PDE2A: variants seen among roughly 807,000 people sequenced by gnomAD.
PDE2A encodes phosphodiesterase 2A, also known as cGMP-dependent 3',5'-cyclic phosphodiesterase.
Under a neutral mutation model 133.6 loss-of-function variants are expected in PDE2A, and 53 were observed. The ratio of observed to expected loss-of-function variants is 0.40; its 90% CI spans 0.32 to 0.50. PDE2A has a LOEUF of 0.50. Ranked by LOEUF, PDE2A falls within the 20% of genes least tolerant of loss-of-function variation. The pLI is 0.73. For synonymous variants in PDE2A, 491 were observed against 490.2 expected, an observed-to-expected ratio of 1.00 and a Z score of -0.02; for missense variants, 796 against 1,232.4, an observed-to-expected ratio of 0.65 and a Z score of 5.30.
At chr11:72,596,918 C>G (rs1188047783) in intron 5 of PDE2A, among the ~76,000 whole-genome samples, 1 of 152,136 alleles carries the variant, frequency 6.6e-6, no homozygotes, top group Non-Finnish European at 1.5e-5. Context: ...GCAGGTGAGG[C>G]TGAGCACCTC....
chr11:72,625,425 G>A (rs754242919), intron 2 of PDE2A, among the ~76,000 whole-genome samples: 12 of 152,246 alleles, frequency 7.9e-5, no homozygotes, highest in Non-Finnish European at 1.8e-4. Context: ...CCAGCCCAAT[G>A]CTCCACGTGA....
At chr11:72,644,743 ATTT>A (rs1417003475) in intron 1 of PDE2A, among the ~76,000 whole-genome samples, 3 of 150,620 alleles carry the variant, frequency 2.0e-5, no homozygotes, top group Admixed American at 1.3e-4. Context: ...ATTTTATTTT[ATTT>A]TATTTTATTT....
chr11:72,619,962 G>T (rs550517561), intron 2 of PDE2A, among the ~76,000 whole-genome samples: 4 of 152,092 alleles, frequency 2.6e-5, no homozygotes, highest in Non-Finnish European at 5.9e-5. Context: ...GCAGGGGGCT[G>T]GGGCCACCTG....
intron 11 of PDE2A, among the ~76,000 whole-genome samples, chr11:72,589,487 C>A (rs1856133450): frequency 6.6e-6 from 1 of 152,328 alleles, no homozygotes; most frequent in Middle Eastern, 3.4e-3. Flanking sequence ...CAGATTCTAG[C>A]AGATCCATAT....
At chr11:72,630,934 G>A (rs1034560796) in intron 2 of PDE2A, 1 of 651,394 alleles carries the variant, frequency 1.5e-6, no homozygotes, top group African/African-American at 1.8e-5. Context: ...TTGATATAGG[G>A]GTGGTCCTAG....
intron 13 of PDE2A, among the ~76,000 whole-genome samples, chr11:72,587,156 A>C (rs1856012559): frequency 1.3e-5 from 2 of 152,246 alleles, no homozygotes; most frequent in African/African-American, 4.8e-5. Context: ...TGCCCTGAAA[A>C]TGAGCTTCGA....
chr11:72,583,270 G>A (rs534145889), intron 20 of PDE2A, among the ~76,000 whole-genome samples, 168 bp downstream of exon 20: 2 of 152,230 alleles, frequency 1.3e-5, no homozygotes, highest in Non-Finnish European at 2.9e-5. Context: ...GCAGCTTGGA[G>A]GAGAGGTCTC....
chr11:72,667,162 C>T (rs955234754), intron 1 of PDE2A, among the ~76,000 whole-genome samples: 1 of 152,144 alleles, frequency 6.6e-6, no homozygotes, highest in African/African-American at 2.4e-5. Context: ...TATGTTCACA[C>T]TTTTATACGA....
chr11:72,606,662 C>T (rs529543384), intron 3 of PDE2A, among the ~76,000 whole-genome samples: 2 of 152,292 alleles, frequency 1.3e-5, no homozygotes, highest in African/African-American at 4.8e-5. Flanking sequence ...GCCCACTCTT[C>T]GGCTATATCT....
rs1216461336 is a variant in PDE2A, at chr11:72,579,145, T to A, written c.2357-136A>T. ...TGGGAGCCAAGGGGCCAGTGCTGGG[T>A]CTGCCTGGGGGGGGCCGTGCAGCCA... On this transcript the variant is annotated intron_variant, in intron 27 of 30. Coordinates refer to ENST00000334456, the MANE Select transcript of PDE2A (RefSeq NM_002599.5). 2.2e-5 allele frequency: 21 copies of A among 944,436 alleles called. No homozygotes were observed. The East Asian group carries it at 5.1e-4, about 23-fold the overall frequency. 58.5% of individuals were successfully genotyped at this position (944,436 alleles called of 1,614,324 possible). A position where few individuals can be genotyped will look rare whatever the true frequency, so the allele number is the denominator to read the frequency against.
At chr11:72,588,342 G>T (rs1438315285) in intron 13 of PDE2A, among the ~76,000 whole-genome samples, 1 of 152,070 alleles carries the variant, frequency 6.6e-6, no homozygotes, top group Non-Finnish European at 1.5e-5. Flanking sequence ...CAAAAAAAGA[G>T]ATTTTTGTGT....
At chr11:72,588,402 C>G (rs1856076372) in intron 13 of PDE2A, among the ~76,000 whole-genome samples, 1 of 152,174 alleles carries the variant, frequency 6.6e-6, no homozygotes, top group Non-Finnish European at 1.5e-5. Flanking sequence ...CACAGCTTTT[C>G]CCAGTCCCCA....
rs754937101 is a variant in PDE2A at position 72,643,389 on chromosome 11, C to G, written c.72-1063G>C. 20 of 152,318 alleles carry G rather than the reference C, an allele frequency of 1.3e-4. 1 individual carries two copies. The highest frequency in any genetic ancestry group is 2.8e-4 in the Non-Finnish European group (19 of 68,124). The allele number at this position is 152,318 out of a possible 1,614,324, so 9.4% of individuals were successfully genotyped here. On this transcript the variant is annotated intron_variant, in intron 1 of 30. Coordinates refer to ENST00000334456, the MANE Select transcript of PDE2A (RefSeq NM_002599.5). ...TCTGGACTGGAGGGTGCGCTTGGGT[C>G]TCGCTAGGCCTTTGCCAGCGACTTG...
At chr11:72,638,798 T>C (rs1455212205) in intron 2 of PDE2A, among the ~76,000 whole-genome samples, 1 of 152,004 alleles carries the variant, frequency 6.6e-6, no homozygotes, top group Non-Finnish European at 1.5e-5. Flanking sequence ...CCAGAGACAA[T>C]GGGATAAAAA....
rs527938063 is a variant in PDE2A at position 72,612,263 on chromosome 11, T to C, written c.145-3512A>G. Among the ~76,000 whole-genome samples the C allele has an allele frequency of 2.8e-5, 4 of 144,562 alleles. No homozygotes were observed. In the East Asian group the frequency reaches 8.3e-4, roughly 30 times the overall value. The allele number at this position is 144,562 out of a possible 152,430, so 94.8% of individuals were successfully genotyped here. A position where few individuals can be genotyped will look rare whatever the true frequency, so the allele number is the denominator to read the frequency against. On this transcript the variant is annotated intron_variant, in intron 2 of 30. Transcript: ENST00000334456. ...GCATATACAAGGTTGCACTTAGACA[T>C]GCACATCACATCCACACACACACAC...
intron 12 of PDE2A, 27 bp from the exon 13 acceptor site, chr11:72,588,941 G>T: frequency 6.3e-7 from 1 of 1,587,776 alleles, no homozygotes; most frequent in South Asian, 1.1e-5. Flanking sequence ...AGTCAGGGCA[G>T]GGAAGCAGGG....
intron 2 of PDE2A, among the ~76,000 whole-genome samples, chr11:72,632,223 C>T (rs746167430): frequency 6.6e-6 from 1 of 152,212 alleles, no homozygotes; most frequent in Admixed American, 6.5e-5. Flanking sequence ...GAATCTCTGG[C>T]TCTCCTTGGG....
chr11:72,650,429 G>A (rs1045774597), intron 1 of PDE2A, among the ~76,000 whole-genome samples: 1 of 151,916 alleles, frequency 6.6e-6, no homozygotes, highest in East Asian at 1.9e-4. Flanking sequence ...CACCCACAGA[G>A]CCCTTGGCTC....
chr11:72,650,583 T>G (rs1854710136), intron 1 of PDE2A, among the ~76,000 whole-genome samples: 1 of 152,080 alleles, frequency 6.6e-6, no homozygotes, highest in Admixed American at 6.5e-5. Context: ...CTCCTCCCCT[T>G]AGTGGCACCT....
Sources: allele counts gnomAD v4.1 joint callset (sites outside exome capture counted in the v4.1 genomes callset), GRCh38; gene constraint gnomAD v4.1.1; transcripts MANE v1.5; gene names NCBI Gene and HGNC (gene_info 2026-07-23, HGNC 2026-07-21).